The following DYM variants were observed in gnomAD, a reference collection of about 807,000 sequenced individuals.
DYM encodes the protein dymeclin.
Under a neutral mutation model 93.1 loss-of-function variants are expected in DYM, and 78 were observed. That is an observed-to-expected ratio of 0.84 (90% CI 0.70 to 1.01). DYM has a LOEUF of 1.01. Ranked by LOEUF, DYM falls within the 50% of genes least tolerant of loss-of-function variation. The probability of loss-of-function intolerance (pLI) is 0.00; values close to 1 mark genes in which losing one functional copy is unlikely to be tolerated. For synonymous variants in DYM, 321 were observed against 319.7 expected, an observed-to-expected ratio of 1.00 and a Z score of -0.04; for missense variants, 789 against 845.0, an observed-to-expected ratio of 0.93 and a Z score of 0.82.
intron 17 of DYM, among the ~76,000 whole-genome samples, chr18:49,083,716 T>G (rs1041400032): frequency 3.3e-5 from 5 of 152,196 alleles, no homozygotes; most frequent in Admixed American, 6.5e-5. Context: ...TCTTTTTAAG[T>G]CAGTTTTGAT....
intron 6 of DYM, among the ~76,000 whole-genome samples, chr18:49,341,447 G>A (rs900716874): frequency 7.9e-6 from 1 of 125,878 alleles, no homozygotes; most frequent in African/African-American, 3.2e-5. Context: ...AGCTGAGATC[G>A]CACCACTGCA....
intron 1 of DYM, among the ~76,000 whole-genome samples, chr18:49,445,570 A>C (rs2082028415): frequency 6.6e-6 from 1 of 152,204 alleles, no homozygotes; most frequent in Non-Finnish European, 1.5e-5. Flanking sequence ...AAATTTAAAG[A>C]ACAATTTAGA....
At chr18:49,408,516 C>A (rs1183386187) in intron 2 of DYM, among the ~76,000 whole-genome samples, 1 of 152,202 alleles carries the variant, frequency 6.6e-6, no homozygotes, top group Non-Finnish European at 1.5e-5. Context: ...AGATTACCCA[C>A]CAGTAGTGCA....
intron 1 of DYM, among the ~76,000 whole-genome samples, chr18:49,453,210 T>C (rs2082675421): frequency 1.3e-5 from 1 of 77,358 alleles, no homozygotes; most frequent in Non-Finnish European, 2.7e-5. Context: ...TGGAGAACTT[T>C]TGTGTCGAGC....
At chr18:49,349,127 G>C (rs1036393080) in intron 6 of DYM, among the ~76,000 whole-genome samples, 1 of 152,148 alleles carries the variant, frequency 6.6e-6, no homozygotes, top group East Asian at 1.9e-4. Context: ...AGAATCGCTT[G>C]AACCTGGGAG....
At chr18:49,240,220 TCTAC>T (rs1409153201) in intron 13 of DYM, among the ~76,000 whole-genome samples, 4 of 152,200 alleles carry the variant, frequency 2.6e-5, no homozygotes, top group Non-Finnish European at 5.9e-5. Context: ...TCACATCCAC[TCTAC>T]CTATCTCATC....
chr18:49,050,740 C>G (rs1023125571), intron 17 of DYM, among the ~76,000 whole-genome samples: 4 of 152,064 alleles, frequency 2.6e-5, no homozygotes, highest in Non-Finnish European at 4.4e-5. Context: ...CAAAAGTGGC[C>G]TCTCTCGGCT....
At chr18:49,369,810 G>A (rs1011213292) in intron 5 of DYM, among the ~76,000 whole-genome samples, 8 of 152,154 alleles carry the variant, frequency 5.3e-5, no homozygotes, top group Admixed American at 5.2e-4. Context: ...CTTCCGCTTG[G>A]CTTTGTCGAG....
chr18:49,426,235 C>G (rs1457979048), intron 2 of DYM, among the ~76,000 whole-genome samples: 1 of 152,012 alleles, frequency 6.6e-6, no homozygotes, highest in African/African-American at 2.4e-5. Flanking sequence ...GATGAGTTCA[C>G]GTCCTCTGTA....
rs150721061 is a variant in DYM at position 49,415,538 on chromosome 18, T to C, written c.140+14717A>G. On this transcript the variant is annotated intron_variant, in intron 2 of 17. Transcript: ENST00000675505. ...AGTTTTAAGTGACTGTGCCAAGAGC[T>C]GCCCTTTTTGCCTTATATGAGCACC... Among the ~76,000 whole-genome samples, 685 of 152,100 alleles carry C rather than the reference T, an allele frequency of 4.5e-3. 3 individuals are homozygous for C. Among genetic ancestry groups the C allele is most frequent in the Non-Finnish European group, 6.5e-3 (441 of 67,976 alleles).
At chr18:49,341,604 G>A (rs956554669) in intron 6 of DYM, among the ~76,000 whole-genome samples, 3 of 151,918 alleles carry the variant, frequency 2.0e-5, no homozygotes, top group Non-Finnish European at 2.9e-5. Flanking sequence ...TGAAAGAAGA[G>A]TGGCCATGAG....
At chr18:49,231,614 C>T (rs113663951) in intron 13 of DYM, among the ~76,000 whole-genome samples, 1,640 of 152,312 alleles carry the variant, frequency 0.011, 29 homozygotes, top group African/African-American at 0.038. Context: ...TACTGAAATA[C>T]ATGAACGAGT....
rs532077991 is a variant in DYM at position 49,107,167 on chromosome 18, C to G, written c.1912-9652G>C. 2.0e-5 allele frequency among the ~76,000 whole-genome samples: 3 copies of G among 152,300 alleles called. No homozygotes were observed. In the South Asian group the frequency reaches 6.2e-4, roughly 32 times the overall value. On this transcript the variant is annotated intron_variant, in intron 16 of 17. Coordinates refer to ENST00000675505, the MANE Select transcript of DYM (RefSeq NM_001353214.3). ...TCATTTCATTCATTTGATCTTCCATCACTGATACTCTTTCTTCCAGTTGAT... is the reference window on the plus strand; with the variant it reads ...TCATTTCATTCATTTGATCTTCCATGACTGATACTCTTTCTTCCAGTTGAT...
intron 17 of DYM, among the ~76,000 whole-genome samples, chr18:49,095,906 C>T (rs932537739): frequency 3.3e-5 from 5 of 152,020 alleles, no homozygotes; most frequent in African/African-American, 4.8e-5. Context: ...TTGGCAGCCT[C>T]GATATTTCTA....
intron 9 of DYM, among the ~76,000 whole-genome samples, chr18:49,283,915 T>C (rs955487009): frequency 3.3e-5 from 5 of 152,324 alleles, no homozygotes; most frequent in Non-Finnish European, 7.3e-5. Context: ...ATTTGAAATA[T>C]AGACTATTTT....
chr18:49,071,653 A>G (rs2076898243), intron 17 of DYM, among the ~76,000 whole-genome samples: 4 of 152,256 alleles, frequency 2.6e-5, no homozygotes, highest in Admixed American at 1.3e-4. Flanking sequence ...GCTCACTGAT[A>G]GTAAATCACT....
In DYM at chr18:49,401,373, T is replaced by C. The variant is rs555412461; in HGVS notation, c.141-9728A>G. ...TCACTTTGGCAGCAACATAAACAGA[T>C]GGGAGTCACAAAACTGGAATCTCAG... On this transcript the variant is annotated intron_variant, in intron 2 of 17. Transcript: ENST00000675505. 2.6e-5 allele frequency among the ~76,000 whole-genome samples: 4 copies of C among 152,198 alleles called. No individual in the cohort carries two copies. The South Asian group carries it at 8.3e-4, about 32-fold the overall frequency.
intron 6 of DYM, among the ~76,000 whole-genome samples, chr18:49,356,147 T>A (rs993978674): frequency 6.6e-6 from 1 of 152,032 alleles, no homozygotes; most frequent in Non-Finnish European, 1.5e-5. Flanking sequence ...TCAGAAAAAA[T>A]TAAAAAGAAA....
intron 8 of DYM, among the ~76,000 whole-genome samples, chr18:49,305,131 C>A (rs1176566738): frequency 6.6e-6 from 1 of 152,122 alleles, no homozygotes; most frequent in Non-Finnish European, 1.5e-5. Flanking sequence ...TCCCTCCTCA[C>A]CCAACTAGGA....
Sources: allele counts gnomAD v4.1 joint callset (sites outside exome capture counted in the v4.1 genomes callset), GRCh38; gene constraint gnomAD v4.1.1; transcripts MANE v1.5; gene names NCBI Gene and HGNC (gene_info 2026-07-23, HGNC 2026-07-21).